Variants in SBF2 observed in about 807,000 individuals in gnomAD.
The protein encoded by SBF2 is myotubularin-related protein 13.
A neutral mutation model predicts 225.2 loss-of-function variants in SBF2; 112 were observed. The ratio of observed to expected loss-of-function variants is 0.50; its 90% confidence interval spans 0.43 to 0.58. The LOEUF is 0.58. Among genes scored for constraint, SBF2 ranks in the 20% least tolerant of loss-of-function variants. The pLI is 0.00. For synonymous variants in SBF2, 763 were observed against 773.3 expected (o/e 0.99, Z 0.22); for missense variants, 1,996 against 2,206.2 (o/e 0.90, Z 1.91).
intron 17 of SBF2, among the ~76,000 whole-genome samples, chr11:9,862,133 A>G (rs1197652676): frequency 1.3e-5 from 2 of 152,212 alleles, no homozygotes; most frequent in East Asian, 1.9e-4. Flanking sequence ...TGATCTCCTG[A>G]TATGTGCGTT....
chr11:9,939,508 A>G (rs190848808), intron 16 of SBF2, among the ~76,000 whole-genome samples: 5 of 152,308 alleles, frequency 3.3e-5, no homozygotes, highest in African/African-American at 1.2e-4. Flanking sequence ...CACTCAACAA[A>G]TATTTACTGA....
At chr11:10,099,965 A>T (rs916662075) in intron 2 of SBF2, among the ~76,000 whole-genome samples, 4 of 152,222 alleles carry the variant, frequency 2.6e-5, no homozygotes, top group African/African-American at 9.6e-5. Flanking sequence ...CAGGAAAAAA[A>T]TTTTAAAAAA....
At chr11:9,828,108 A>G (rs1473589069) in intron 28 of SBF2, 7 of 1,273,882 alleles carry the variant, frequency 5.5e-6, no homozygotes, top group Non-Finnish European at 6.1e-6. Context: ...GCTCAGTTAT[A>G]AAATCAATCT....
chr11:10,103,393 T>A (rs1290282286), intron 2 of SBF2, among the ~76,000 whole-genome samples: 1 of 152,222 alleles, frequency 6.6e-6, no homozygotes, highest in Non-Finnish European at 1.5e-5. Flanking sequence ...TTTGGCTTTC[T>A]TTGTGCTATA....
chr11:10,051,931 G>A (rs1399524308), intron 2 of SBF2, among the ~76,000 whole-genome samples: 1 of 152,078 alleles, frequency 6.6e-6, no homozygotes, highest in East Asian at 1.9e-4. Flanking sequence ...AGCTGGTTTA[G>A]TCTTTTCCAT....
intron 1 of SBF2, among the ~76,000 whole-genome samples, chr11:10,213,281 A>C (rs994858464): frequency 6.6e-6 from 1 of 152,210 alleles, no homozygotes; most frequent in African/African-American, 2.4e-5. Flanking sequence ...GCTGCACAAA[A>C]TAAATCCACC....
chr11:9,929,988 T>C (rs756821677), intron 16 of SBF2, among the ~76,000 whole-genome samples: 3 of 151,900 alleles, frequency 2.0e-5, no homozygotes, highest in South Asian at 2.1e-4. Context: ...CTGGGGCCTG[T>C]TGGGGGATGG....
chr11:10,063,539 T>A (rs1950522328), intron 2 of SBF2, among the ~76,000 whole-genome samples: 2 of 151,396 alleles, frequency 1.3e-5, no homozygotes, highest in African/African-American at 4.9e-5. Flanking sequence ...TTGTATTTTT[T>A]AGTAGAGACG....
At chr11:9,943,416 A>G (rs1464387161) in intron 16 of SBF2, among the ~76,000 whole-genome samples, 1 of 152,208 alleles carries the variant, frequency 6.6e-6, no homozygotes, top group Non-Finnish European at 1.5e-5. Flanking sequence ...ATTTGCCAAA[A>G]GACATCAGAA....
intron 2 of SBF2, among the ~76,000 whole-genome samples, chr11:10,179,180 T>C (rs1173120427): frequency 2.0e-5 from 3 of 149,464 alleles, no homozygotes; most frequent in Non-Finnish European, 3.0e-5. Flanking sequence ...AACATCACAC[T>C]CTGGGGACTG....
At chr11:10,260,899 G>A (rs976725816) in intron 1 of SBF2, among the ~76,000 whole-genome samples, 1 of 144,140 alleles carries the variant, frequency 6.9e-6, no homozygotes, top group Admixed American at 6.9e-5. Flanking sequence ...GAAAGAAGGG[G>A]AGGGAGGGAG....
In SBF2 at chr11:9,961,975, C is replaced by T; in HGVS notation, c.1842G>A (p.Met614Ile). The T allele has an allele frequency of 1.9e-6, 3 of 1,613,704 alleles. No individual in the cohort carries two copies. Among genetic ancestry groups the T allele is most frequent in the South Asian group, 2.2e-5 (2 of 91,044 alleles). The change falls in exon 16 of 40, where the codon ATG becomes ATA. Residue 614 changes from methionine to isoleucine, a missense_variant. Physicochemically the swap from Met to Ile is conservative, Grantham distance 10. Coordinates refer to ENST00000256190, the MANE Select transcript of SBF2 (RefSeq NM_030962.4). ...AAATTACCTGTAGAGTACAATTCATCATCCTTATTATGTAGTCAAACTGTT... is the reference window on the plus strand; with the variant it reads ...AAATTACCTGTAGAGTACAATTCATTATCCTTATTATGTAGTCAAACTGTT... ...DHQQFDYIIR[M>I]MNCTLQDCSS...
chr11:9,905,216 A>G (rs1430690478), intron 16 of SBF2, among the ~76,000 whole-genome samples: 2 of 152,228 alleles, frequency 1.3e-5, no homozygotes, highest in Non-Finnish European at 2.9e-5. Context: ...TTAGCATATC[A>G]CACTCTATTG....
At chr11:10,224,073 T>C (rs1958448452) in intron 1 of SBF2, among the ~76,000 whole-genome samples, 1 of 152,190 alleles carries the variant, frequency 6.6e-6, no homozygotes, top group Admixed American at 6.6e-5. Flanking sequence ...GATTTGTGTA[T>C]ATTTTATGGT....
chr11:9,824,358 A>G (rs1186528468), intron 28 of SBF2, among the ~76,000 whole-genome samples: 1 of 152,110 alleles, frequency 6.6e-6, no homozygotes, highest in Non-Finnish European at 1.5e-5. Context: ...GGAGATCGAG[A>G]TCATCCTGGC....
At chr11:9,989,965 A>G (rs1947354509) in intron 12 of SBF2, among the ~76,000 whole-genome samples, 1 of 152,104 alleles carries the variant, frequency 6.6e-6, no homozygotes, top group Non-Finnish European at 1.5e-5. Flanking sequence ...GGATGCTCAG[A>G]CTCTAGTCCT....
Position 9,910,314 on chromosome 11 carries a change from G to A in SBF2, c.1861-14303C>T, listed in dbSNP as rs187463140. Among the ~76,000 whole-genome samples, 239 of 152,264 alleles carry A rather than the reference G, an allele frequency of 1.6e-3. 1 individual carries two copies. Among genetic ancestry groups the A allele is most frequent in the Middle Eastern group, 0.01 (3 of 294 alleles). On this transcript the variant is annotated intron_variant, in intron 16 of 39. Transcript: ENST00000256190. Reference sequence around the variant, plus strand: ...CTCAGACATTTGGGCTGATGTTGGTGTAAACAAACCTACTGTGCTGCCAGT... The same window carrying A: ...CTCAGACATTTGGGCTGATGTTGGTATAAACAAACCTACTGTGCTGCCAGT...
chr11:10,186,057 A>C (rs1428127051), intron 2 of SBF2, among the ~76,000 whole-genome samples: 1 of 152,194 alleles, frequency 6.6e-6, no homozygotes, highest in Non-Finnish European at 1.5e-5. Flanking sequence ...CTGTGATTTA[A>C]TCTTCCAGGC....
chr11:10,021,453 AAAC>A (rs1049322616), intron 6 of SBF2, among the ~76,000 whole-genome samples: 4 of 152,156 alleles, frequency 2.6e-5, no homozygotes, highest in Admixed American at 2.6e-4. Flanking sequence ...AAAACAAAAA[AAAC>A]AAAAAAACCA....
Sources: allele counts gnomAD v4.1 joint callset (sites outside exome capture counted in the v4.1 genomes callset), GRCh38; gene constraint gnomAD v4.1.1; transcripts MANE v1.5; gene names NCBI Gene and HGNC (gene_info 2026-07-23, HGNC 2026-07-21).